The following PLA2G4E variants were observed in gnomAD, a reference collection of about 807,000 sequenced individuals.
PLA2G4E encodes phospholipase A2 group IVE.
PLA2G4E carries 84 observed loss-of-function variants against 109.1 expected under a neutral mutation model. The ratio of observed to expected loss-of-function variants is 0.77; its 90% CI spans 0.65 to 0.92. The LOEUF (loss-of-function observed/expected upper bound fraction) is 0.92, where lower values mean the gene tolerates loss of function less well. PLA2G4E is among the 40% of genes least tolerant of loss of function. PLA2G4E has a pLI of 0.00. For missense variants in PLA2G4E, 1,057 were observed against 1,076.6 expected (o/e 0.98, Z 0.25); for synonymous variants, 469 against 436.1 (o/e 1.08, Z -0.94).
chr15:42,041,715 G>A (rs1300725647), intron 1 of PLA2G4E, among the ~76,000 whole-genome samples: 2 of 152,162 alleles, frequency 1.3e-5, no homozygotes, highest in Non-Finnish European at 2.9e-5. Flanking sequence ...ACTCTTTCAT[G>A]CTTATTCACT....
In PLA2G4E at chr15:42,000,188, GA is replaced by G; in HGVS notation, c.767del (p.Phe256SerfsTer52). 1 of 1,594,202 alleles carries G rather than the reference GA, an allele frequency of 6.3e-7. No homozygotes were observed. Among genetic ancestry groups the G allele is most frequent in the Non-Finnish European group, 8.5e-7 (1 of 1,170,356 alleles). On this transcript the variant is annotated frameshift_variant, in exon 8 of 20. Coordinates refer to ENST00000399518, the Ensembl canonical transcript of PLA2G4E. LOFTEE classifies it high-confidence loss of function. ...GGTAGTGGAAGCAGGCAGCGGTTTGGAAGCAGGCAGAGGTTGGGCAGCAGGG... is the reference window on the plus strand; with the variant it reads ...GGTAGTGGAAGCAGGCAGCGGTTTGGAGCAGGCAGAGGTTGGGCAGCAGGG...
chr15:42,032,646 CCAAGT>C (rs1555388619), intron 1 of PLA2G4E, among the ~76,000 whole-genome samples: 3 of 152,222 alleles, frequency 2.0e-5, no homozygotes, highest in Non-Finnish European at 2.9e-5. Flanking sequence ...GACCATCCAA[CCAAGT>C]GGCCTTAGAG....
Position 41,994,195 on chromosome 15 carries a change from G to GT in PLA2G4E, c.1247+1164dup, listed in dbSNP as rs1360061288. Among the ~76,000 whole-genome samples the GT allele has an allele frequency of 3.3e-5, 5 of 152,354 alleles. No individual in the cohort carries two copies. In the South Asian group the frequency reaches 8.3e-4, roughly 25 times the overall value. On this transcript the variant is annotated intron_variant, in intron 12 of 19. Transcript: ENST00000399518. Reference sequence around the variant, plus strand: ...AAATAATGACAATGCCTCTCTCATAGTTTTTTGTGAGGAAGAAACAAGATG... The same window carrying GT: ...AAATAATGACAATGCCTCTCTCATAGTTTTTTTGTGAGGAAGAAACAAGATG...
chr15:42,036,862 C>A (rs1048958377), intron 1 of PLA2G4E, among the ~76,000 whole-genome samples: 3 of 152,138 alleles, frequency 2.0e-5, no homozygotes, highest in African/African-American at 7.2e-5. Flanking sequence ...CCCTGGGAGT[C>A]CCCCCGACCC....
intron 2 of PLA2G4E, among the ~76,000 whole-genome samples, chr15:42,008,601 A>G (rs78205357): frequency 0.018 from 2,727 of 152,322 alleles, 31 homozygotes; most frequent in Non-Finnish European, 0.031. Context: ...TTTGACCCCA[A>G]CAAGCCCTCC....
At chr15:42,039,212 A>G (rs1889272642) in intron 1 of PLA2G4E, among the ~76,000 whole-genome samples, 1 of 152,220 alleles carries the variant, frequency 6.6e-6, no homozygotes, top group Non-Finnish European at 1.5e-5. Context: ...TTTATGCCCA[A>G]GTAATTACAC....
chr15:42,001,226 A>G lies in PLA2G4E; in HGVS notation c.610-6T>C, dbSNP rs2068416246. 1 of 1,611,634 alleles carries G rather than the reference A, an allele frequency of 6.2e-7. No homozygotes were observed. The highest frequency in any genetic ancestry group is 8.5e-7 in the Non-Finnish European group (1 of 1,177,798). On this transcript the variant is annotated splice_polypyrimidine_tract_variant and splice_region_variant and intron_variant, in intron 6 of 19. Transcript: ENST00000399518. ...AGGCAGGAGACTTGTCGAGACTGTAAAAAACAAAGGAGGGTCACAGAGTGT... is the reference window on the plus strand; with the variant it reads ...AGGCAGGAGACTTGTCGAGACTGTAGAAAACAAAGGAGGGTCACAGAGTGT...
chr15:41,987,095 A>G (rs2068153853), intron 17 of PLA2G4E, 77 bp downstream of exon 17: 1 of 1,446,246 alleles, frequency 6.9e-7, no homozygotes, highest in Non-Finnish European at 9.7e-7. Flanking sequence ...CTTATTCTTT[A>G]TCCATGGCAG....
chr15:42,028,740 C>T (rs1486226126), intron 1 of PLA2G4E, among the ~76,000 whole-genome samples: 1 of 152,044 alleles, frequency 6.6e-6, no homozygotes, highest in Non-Finnish European at 1.5e-5. Flanking sequence ...CTTCTATGTG[C>T]CTATGTTTCT....
chr15:42,050,701 C>T, exon 1 of PLA2G4E: 2 of 1,549,856 alleles, frequency 1.3e-6, no homozygotes, highest in African/African-American at 2.7e-5. Flanking sequence ...CCTGGAGACT[C>T]ATCCCAGCCT....
rs144747948 is a variant in PLA2G4E, at chr15:42,041,609, G to A, written c.183+8912C>T. On this transcript the variant is annotated intron_variant, in intron 1 of 19. Transcript: ENST00000399518. ...CCATTGAAGTCAGATGACAAGGAAG[G>A]ACACTGGGAGTTCCAGAGAGGAAAT... Among the ~76,000 whole-genome samples, 635 of 152,344 alleles carry A rather than the reference G, an allele frequency of 4.2e-3. 1 individual carries two copies. Among genetic ancestry groups the A allele is most frequent in the Middle Eastern group, 0.027 (8 of 294 alleles).
At chr15:42,040,827 A>G (rs4924609) in intron 1 of PLA2G4E, among the ~76,000 whole-genome samples, 12,272 of 152,244 alleles carry the variant, frequency 0.081, 634 homozygotes, top group Non-Finnish European at 0.11. Context: ...CTCTGATGTA[A>G]TTGGTATGGT....
At chr15:42,007,616 G>A in intron 3 of PLA2G4E, 113 bp downstream of exon 3, 1 of 1,316,994 alleles carries the variant, frequency 7.6e-7, no homozygotes, top group African/African-American at 1.5e-5. Flanking sequence ...ACAAGAAGTA[G>A]GCAGAAAGGA....
intron 1 of PLA2G4E, among the ~76,000 whole-genome samples, chr15:42,041,975 C>T (rs931282024): frequency 6.6e-6 from 1 of 152,164 alleles, no homozygotes; most frequent in Non-Finnish European, 1.5e-5. Context: ...TGCGAATTCT[C>T]TGGGCTATTT....
chr15:42,035,118 C>T (rs563605860), intron 1 of PLA2G4E, among the ~76,000 whole-genome samples: 2 of 152,210 alleles, frequency 1.3e-5, no homozygotes, highest in East Asian at 3.8e-4. Context: ...GTGGGAGGCA[C>T]ATGTCTGAAC....
exon 13 of PLA2G4E, chr15:41,992,895 C>G: frequency 3.7e-6 from 6 of 1,613,984 alleles, no homozygotes; most frequent in Non-Finnish European, 5.1e-6. Flanking sequence ...CTCCGAGCCT[C>G]AAAGATAGCA....
rs58067941 is a variant in PLA2G4E, at chr15:42,000,335, G to A, written c.674-53C>T. ...CCTGGGAGCCTCTCACTACCCACCTGCAACTTGGTCCAGCAAAAAACCTAT... is the reference window on the plus strand; with the variant it reads ...CCTGGGAGCCTCTCACTACCCACCTACAACTTGGTCCAGCAAAAAACCTAT... On this transcript the variant is annotated intron_variant, in intron 7 of 19. Coordinates refer to ENST00000399518, the Ensembl canonical transcript of PLA2G4E. 4,494 of 1,476,526 alleles carry A rather than the reference G, an allele frequency of 3.0e-3. 130 individuals carry two copies. The African/African-American group carries it at 0.055, about 18-fold the overall frequency. 91.5% of individuals were successfully genotyped at this position (1,476,526 alleles called of 1,614,324 possible).
chr15:42,029,500 C>T (rs1889077915), intron 1 of PLA2G4E, among the ~76,000 whole-genome samples: 1 of 152,212 alleles, frequency 6.6e-6, no homozygotes, highest in African/African-American at 2.4e-5. Flanking sequence ...TATTTCCCTG[C>T]TCTGTACTCT....
chr15:42,048,357 G>A (rs1566854214), intron 1 of PLA2G4E, among the ~76,000 whole-genome samples: 1 of 152,256 alleles, frequency 6.6e-6, no homozygotes, highest in Non-Finnish European at 1.5e-5. Flanking sequence ...AGCAACACAT[G>A]ACTGTAGTTA....
Sources: allele counts gnomAD v4.1 joint callset (sites outside exome capture counted in the v4.1 genomes callset), GRCh38; gene constraint gnomAD v4.1.1; transcripts MANE v1.5; gene names NCBI Gene and HGNC (gene_info 2026-07-23, HGNC 2026-07-21).